The following RSRC1 variants were observed in gnomAD, a reference collection of about 807,000 sequenced individuals.
RSRC1 encodes serine/Arginine-related protein 53.
Under a neutral mutation model 49.1 loss-of-function variants are expected in RSRC1, and 39 were observed. The observed-to-expected ratio is 0.79, with a 90% CI of 0.61 to 1.04. The LOEUF (loss-of-function observed/expected upper bound fraction) is 1.04. Among genes scored for constraint, RSRC1 ranks in the 50% least tolerant of loss-of-function variants. The probability of loss-of-function intolerance (pLI) is 0.00; values close to 1 mark genes in which losing one functional copy is unlikely to be tolerated. For synonymous variants in RSRC1, 143 were observed against 130.8 expected, an observed-to-expected ratio of 1.09 and a Z score of -0.63; for missense variants, 388 against 402.4, an observed-to-expected ratio of 0.96 and a Z score of 0.31.
intron 4 of RSRC1, among the ~76,000 whole-genome samples, chr3:158,211,409 A>G (rs1721666581): frequency 6.6e-6 from 1 of 152,002 alleles, no homozygotes; most frequent in Non-Finnish European, 1.5e-5. Context: ...AGCTCAAAGG[A>G]TCAGGAGTAG....
chr3:158,537,897 CT>C, intron 8 of RSRC1, among the ~76,000 whole-genome samples: 1 of 151,616 alleles, frequency 6.6e-6, no homozygotes, highest in African/African-American at 2.4e-5. Flanking sequence ...GTTATTTTTC[CT>C]CTGTTATCAA....
intron 7 of RSRC1, among the ~76,000 whole-genome samples, chr3:158,519,227 G>A (rs1305292041): frequency 2.6e-5 from 4 of 151,896 alleles, no homozygotes; most frequent in Non-Finnish European, 4.4e-5. Flanking sequence ...TATCTCCTGT[G>A]CTAACCCTGG....
At chr3:158,237,392 T>C (rs1723303627) in intron 4 of RSRC1, among the ~76,000 whole-genome samples, 1 of 152,228 alleles carries the variant, frequency 6.6e-6, no homozygotes. Context: ...TAAAGGTATG[T>C]TTCATTGCTA....
In RSRC1 at chr3:158,203,101, A is replaced by T; in HGVS notation, c.350A>T (p.His117Leu). The T allele has an allele frequency of 1.2e-6, 2 of 1,613,514 alleles. No homozygotes were observed. The highest frequency in any genetic ancestry group is 2.2e-5 in the East Asian group (1 of 44,846). ...AGGTCAAGACCTCGTCTCCGTTCTC[A>T]TAGTCGTAGCAGTGAAAGGTCCAGT... is the stretch of plus-strand genomic sequence containing the variant. ...RSRSRPRLRSHSRSSERSSHR... is the reference protein window; with the variant it reads ...RSRSRPRLRSLSRSSERSSHR... Residue 117 changes from histidine (H) to leucine (L), a missense_variant, in exon 4 of 10, where the codon CAT (histidine) becomes CTT (leucine). By Grantham distance (99) the His-to-Leu change is moderately conservative (BLOSUM62 -3). Coordinates refer to ENST00000611884, the MANE Select transcript of RSRC1 (RefSeq NM_001271838.2).
intron 3 of RSRC1, among the ~76,000 whole-genome samples, chr3:158,132,517 A>T (rs200434205): frequency 6.6e-6 from 1 of 152,128 alleles, no homozygotes; most frequent in East Asian, 1.9e-4. Context: ...AGTACTCTTT[A>T]TGTTATTTCT....
intron 1 of RSRC1, among the ~76,000 whole-genome samples, chr3:158,118,640 TTGC>T (rs1163629162): frequency 3.3e-5 from 5 of 152,228 alleles, no homozygotes; most frequent in South Asian, 4.1e-4. Context: ...TTACTATCAT[TTGC>T]TTTTTTTCTT....
At chr3:158,473,362 A>G (rs997480082) in intron 7 of RSRC1, among the ~76,000 whole-genome samples, 2 of 152,166 alleles carry the variant, frequency 1.3e-5, no homozygotes, top group Admixed American at 6.5e-5. Flanking sequence ...TGTCCTTTGT[A>G]GGGACATGGA....
chr3:158,531,090 A>G (rs992674414), intron 7 of RSRC1, among the ~76,000 whole-genome samples: 5 of 150,380 alleles, frequency 3.3e-5, no homozygotes, highest in Non-Finnish European at 7.4e-5. Flanking sequence ...TTGACTGCTT[A>G]CTAGATAATA....
chr3:158,461,997 G>GAAA (rs3086337), intron 7 of RSRC1, among the ~76,000 whole-genome samples: 3 of 119,140 alleles, frequency 2.5e-5, no homozygotes, highest in Non-Finnish European at 5.5e-5. Context: ...AAAACCAAGC[G>GAAA]AAAAAAAAAA....
intron 6 of RSRC1, among the ~76,000 whole-genome samples, chr3:158,413,752 C>T (rs112116913): frequency 0.011 from 1,658 of 152,196 alleles, 33 homozygotes; most frequent in African/African-American, 0.038. Flanking sequence ...CATCACTGGT[C>T]ATTAGAGAAA....
intron 3 of RSRC1, among the ~76,000 whole-genome samples, chr3:158,197,158 A>T (rs1169286956): frequency 6.6e-6 from 1 of 152,126 alleles, no homozygotes; most frequent in African/African-American, 2.4e-5. Flanking sequence ...GTAAGCTATT[A>T]ATTGTTGCCT....
chr3:158,468,162 T>C (rs1381433697), intron 7 of RSRC1, among the ~76,000 whole-genome samples: 1 of 152,182 alleles, frequency 6.6e-6, no homozygotes, highest in African/African-American at 2.4e-5. Flanking sequence ...CTCGATCTCC[T>C]GACCTCATGA....
chr3:158,203,066 C>T lies in RSRC1; in HGVS notation c.321-6C>T, dbSNP rs1432342494. 6.2e-7 allele frequency: 1 copy of T among 1,606,850 alleles called. No homozygotes were observed. On this transcript the variant is annotated splice_polypyrimidine_tract_variant and splice_region_variant and intron_variant, in intron 3 of 9. Coordinates refer to ENST00000611884, the MANE Select transcript of RSRC1 (RefSeq NM_001271838.2). ...AAGTTTATTTAACAAAATCTGCTTA[C>T]TGTAGGTCCAGGTCAAGACCTCGTC...
chr3:158,476,473 G>T (rs1738373720), intron 7 of RSRC1, among the ~76,000 whole-genome samples: 1 of 152,128 alleles, frequency 6.6e-6, no homozygotes. Context: ...GGCTAATGCA[G>T]CTGGTGACTT....
chr3:158,496,740 G>A (rs1739340121), intron 7 of RSRC1: 2 of 290,542 alleles, frequency 6.9e-6, no homozygotes, highest in Admixed American at 6.0e-5. Context: ...TCATGTTGGT[G>A]GTGGCCCTTT....
At chr3:158,163,330 TAGTG>T (rs905414608) in intron 3 of RSRC1, among the ~76,000 whole-genome samples, 18 of 152,060 alleles carry the variant, frequency 1.2e-4, no homozygotes, top group Admixed American at 5.9e-4. Flanking sequence ...TAAAGACTGA[TAGTG>T]AGTTAATGTT....
intron 6 of RSRC1, among the ~76,000 whole-genome samples, chr3:158,373,477 A>G (rs548433263): frequency 1.3e-5 from 2 of 152,054 alleles, no homozygotes; most frequent in East Asian, 1.9e-4. Flanking sequence ...CAGTATCTAT[A>G]TAGATGATTA....
intron 4 of RSRC1, among the ~76,000 whole-genome samples, chr3:158,268,244 C>T (rs771716867): frequency 1.3e-5 from 2 of 152,140 alleles, no homozygotes; most frequent in Admixed American, 6.6e-5. Context: ...ACCAGAGATG[C>T]ACATATTTGG....
At chr3:158,521,405 T>A (rs1711665317) in intron 7 of RSRC1, among the ~76,000 whole-genome samples, 1 of 152,134 alleles carries the variant, frequency 6.6e-6, no homozygotes, top group Non-Finnish European at 1.5e-5. Context: ...ACAATCCTGA[T>A]CTTTCCATTA....
Sources: allele counts gnomAD v4.1 joint callset (sites outside exome capture counted in the v4.1 genomes callset), GRCh38; gene constraint gnomAD v4.1.1; transcripts MANE v1.5; gene names NCBI Gene and HGNC (gene_info 2026-07-23, HGNC 2026-07-21).